Variants in SLC35F3 observed in about 807,000 individuals in gnomAD.
SLC35F3 encodes the protein solute carrier family 35 member F3.
In SLC35F3, 25 loss-of-function variants were observed where a neutral mutation model predicts 49.9. The observed-to-expected ratio is 0.50, with a 90% CI of 0.37 to 0.70. SLC35F3 has a LOEUF of 0.70. Ranked by LOEUF, SLC35F3 falls within the 30% of genes least tolerant of loss-of-function variation. SLC35F3 has a pLI of 0.00. For missense variants in SLC35F3, 525 were observed against 639.8 expected, an observed-to-expected ratio of 0.82 and a Z score of 1.94; for synonymous variants, 275 against 265.4, an observed-to-expected ratio of 1.04 and a Z score of -0.35.
intron 3 of SLC35F3, among the ~76,000 whole-genome samples, chr1:234,270,130 T>A (rs1292053863): frequency 6.6e-6 from 1 of 152,216 alleles, no homozygotes; most frequent in African/African-American, 2.4e-5. Context: ...GTTACAAGGA[T>A]TAAAAATTCT....
intron 2 of SLC35F3, among the ~76,000 whole-genome samples, chr1:233,979,518 G>GA (rs2102821168): frequency 6.6e-6 from 1 of 152,226 alleles, no homozygotes; most frequent in East Asian, 1.9e-4. Context: ...TCATCTTGCA[G>GA]AGACCTTACC....
chr1:234,095,020 C>T (rs556347914), intron 2 of SLC35F3, among the ~76,000 whole-genome samples: 1 of 152,314 alleles, frequency 6.6e-6, no homozygotes, highest in Admixed American at 6.5e-5. Context: ...CCACCCTCCG[C>T]TGGCAGGGGG....
At chr1:234,126,983 C>T (rs1466928701) in intron 2 of SLC35F3, among the ~76,000 whole-genome samples, 1 of 152,220 alleles carries the variant, frequency 6.6e-6, no homozygotes, top group Non-Finnish European at 1.5e-5. Flanking sequence ...AGGCATGAGC[C>T]ACCCCACCCA....
rs1657682994 is a variant in SLC35F3, at chr1:234,323,525, C to T, written c.*282C>T. On this transcript the variant is annotated 3_prime_UTR_variant, in exon 8 of 8. Transcript: ENST00000366618. The surrounding 1 kb of genome is among the most constrained non-coding windows in gnomAD (Gnocchi z 4.5). The stretch of plus-strand genomic sequence containing the variant: ...TGCGTAGATCGTTTTGGATGGCTGA[C>T]GTTCTTGACAAGCCAGCCATCAGGG... The T allele has an allele frequency of 2.3e-6, 1 of 441,562 alleles. No individual in the cohort carries two copies. The highest frequency in any genetic ancestry group is 3.1e-5 in the South Asian group (1 of 32,460). The allele number at this position is 441,562 out of a possible 1,614,324, so 27.4% of individuals were successfully genotyped here.
intron 2 of SLC35F3, among the ~76,000 whole-genome samples, chr1:233,935,512 G>A (rs574066992): frequency 4.9e-4 from 74 of 152,134 alleles, no homozygotes; most frequent in African/African-American, 1.6e-3. Flanking sequence ...AGAAGCAACC[G>A]ATTTTTTTTT....
intron 2 of SLC35F3, among the ~76,000 whole-genome samples, chr1:233,950,071 C>A (rs1296304393): frequency 6.6e-6 from 1 of 151,968 alleles, no homozygotes; most frequent in Non-Finnish European, 1.5e-5. Flanking sequence ...CAAAGGACAG[C>A]CTTCTATTTC....
intron 2 of SLC35F3, among the ~76,000 whole-genome samples, chr1:233,934,369 T>A (rs1015486493): frequency 6.6e-6 from 1 of 152,228 alleles, no homozygotes; most frequent in Admixed American, 6.5e-5. Context: ...TTTTTCTATA[T>A]GTATGAATTC....
intron 2 of SLC35F3, among the ~76,000 whole-genome samples, chr1:234,067,051 T>C (rs1664633146): frequency 6.6e-6 from 1 of 152,228 alleles, no homozygotes; most frequent in Non-Finnish European, 1.5e-5. Context: ...TGTGTACTGT[T>C]CTACTCTGCT....
intron 4 of SLC35F3, among the ~76,000 whole-genome samples, chr1:234,311,854 T>C (rs1657364657): frequency 6.6e-6 from 1 of 152,204 alleles, no homozygotes; most frequent in African/African-American, 2.4e-5. Flanking sequence ...TCACAGATCT[T>C]GGCTCCATTG....
intron 3 of SLC35F3, among the ~76,000 whole-genome samples, chr1:234,247,361 C>T (rs575279195): frequency 1.5e-4 from 22 of 151,682 alleles, no homozygotes; most frequent in African/African-American, 4.1e-4. Flanking sequence ...TTCCATTGTT[C>T]GGTAGGTTGG....
chr1:234,109,798 G>A (rs903236906), intron 2 of SLC35F3, among the ~76,000 whole-genome samples: 1 of 152,166 alleles, frequency 6.6e-6, no homozygotes, highest in Non-Finnish European at 1.5e-5. Context: ...AGGGCGCAGT[G>A]GATGCCACCT....
intron 2 of SLC35F3, among the ~76,000 whole-genome samples, chr1:234,074,626 T>G (rs1267328424): frequency 6.6e-6 from 1 of 152,042 alleles, no homozygotes; most frequent in African/African-American, 2.4e-5. Flanking sequence ...AAGCGGAATT[T>G]TAAAGGTTTC....
At chr1:233,936,936 C>T (rs1662343962) in intron 2 of SLC35F3, among the ~76,000 whole-genome samples, 2 of 152,162 alleles carry the variant, frequency 1.3e-5, no homozygotes. Flanking sequence ...AAGTGATCTT[C>T]CTGCCTTGGC....
chr1:234,296,976 A>G (rs1668608256), intron 3 of SLC35F3, among the ~76,000 whole-genome samples: 3 of 152,240 alleles, frequency 2.0e-5, no homozygotes, highest in Non-Finnish European at 4.4e-5. Flanking sequence ...ACAATTAAAA[A>G]AAACATGTGG....
intron 2 of SLC35F3, among the ~76,000 whole-genome samples, chr1:234,135,503 C>T (rs528141058): frequency 2.9e-4 from 44 of 152,310 alleles, no homozygotes; most frequent in African/African-American, 1.0e-3. Context: ...GAAGGACTCA[C>T]AAGGACCCAG....
At chr1:234,109,602 A>G (rs1049571770) in intron 2 of SLC35F3, among the ~76,000 whole-genome samples, 4 of 152,198 alleles carry the variant, frequency 2.6e-5, no homozygotes, top group South Asian at 2.1e-4. Context: ...TATAATATGT[A>G]TGTCCTCATT....
At chr1:234,047,120 A>G (rs921373835) in intron 2 of SLC35F3, among the ~76,000 whole-genome samples, 3 of 152,124 alleles carry the variant, frequency 2.0e-5, no homozygotes, top group African/African-American at 7.2e-5. Flanking sequence ...TTACTTTTTC[A>G]TATTCTTCTG....
At chr1:233,990,102 G>T (rs1299372592) in intron 2 of SLC35F3, among the ~76,000 whole-genome samples, 2 of 152,080 alleles carry the variant, frequency 1.3e-5, no homozygotes, top group African/African-American at 4.8e-5. Flanking sequence ...GATAGCAGAA[G>T]ATTGTACTAG....
chr1:233,976,282 C>T (rs576976803), intron 2 of SLC35F3, among the ~76,000 whole-genome samples: 9 of 152,302 alleles, frequency 5.9e-5, no homozygotes, highest in African/African-American at 2.2e-4. Flanking sequence ...GATCCTACTA[C>T]ACAATATTAA....
Sources: gnomAD v4.1 joint callset for allele counts (sites outside exome capture counted in the v4.1 genomes callset) on GRCh38, gnomAD v4.1.1 for gene constraint, Gnocchi (gnomAD v3.1) non-coding constraint, MANE v1.5 for transcripts, NCBI Gene and HGNC (gene_info 2026-07-23, HGNC 2026-07-21) for gene names.